Variants in FGF14 observed in about 807,000 individuals in gnomAD.
FGF14 encodes the protein fibroblast growth factor homologous factor 4.
FGF14 carries 5 observed loss-of-function variants against 25.5 expected under a neutral mutation model. The ratio of observed to expected loss-of-function variants is 0.20; its 90% CI spans 0.10 to 0.41. The LOEUF (loss-of-function observed/expected upper bound fraction) is 0.41, where lower values mean the gene tolerates loss of function less well. FGF14 is among the 10% of genes least tolerant of loss of function. The pLI is 1.00. For missense variants in FGF14, 222 were observed against 320.1 expected (o/e 0.69, Z 2.34); for synonymous variants, 138 against 118.3 (o/e 1.17, Z -1.08).
At chr13:101,766,821 G>A (rs2038433611) in intron 3 of FGF14, among the ~76,000 whole-genome samples, 1 of 152,132 alleles carries the variant, frequency 6.6e-6, no homozygotes, top group South Asian at 2.1e-4. Context: ...GAAGGCAGAG[G>A]TAGAGATTAG....
intron 3 of FGF14, among the ~76,000 whole-genome samples, chr13:101,841,981 A>G (rs965806032): frequency 6.6e-6 from 1 of 151,948 alleles, no homozygotes; most frequent in African/African-American, 2.4e-5. Flanking sequence ...GATATGACTC[A>G]TTTGCATATA....
intron 3 of FGF14, among the ~76,000 whole-genome samples, chr13:101,733,317 G>A (rs1368755637): frequency 3.3e-5 from 5 of 152,038 alleles, no homozygotes; most frequent in African/African-American, 1.2e-4. Flanking sequence ...GACAACTTTT[G>A]GCAGTGCACG....
intron 1 of FGF14, among the ~76,000 whole-genome samples, chr13:102,278,407 C>A (rs772772206): frequency 6.6e-6 from 1 of 152,290 alleles, no homozygotes; most frequent in South Asian, 2.1e-4. Context: ...GTGGTATGTA[C>A]TGACATCAGC....
At chr13:102,107,829 CAG>C (rs1183330436) in intron 1 of FGF14, among the ~76,000 whole-genome samples, 4 of 152,184 alleles carry the variant, frequency 2.6e-5, no homozygotes, top group Non-Finnish European at 5.9e-5. Flanking sequence ...ACTCAGAAAA[CAG>C]AAAGTCATAT....
intron 1 of FGF14, among the ~76,000 whole-genome samples, chr13:101,886,353 A>T (rs868058810): frequency 1.3e-5 from 2 of 152,288 alleles, no homozygotes; most frequent in Middle Eastern, 3.4e-3. Context: ...CACATAGACC[A>T]ATGGAACAGA....
intron 1 of FGF14, among the ~76,000 whole-genome samples, chr13:102,095,977 TTGTGTGTGTGTGTG>T (rs35113785): frequency 7.0e-6 from 1 of 142,716 alleles, no homozygotes; most frequent in African/African-American, 2.5e-5. Flanking sequence ...TAAATACAAT[TTGTGTGTGTGTGTG>T]TGTGTGTGTG....
chr13:102,352,811 C>CAAAA (rs368786811), intron 1 of FGF14, among the ~76,000 whole-genome samples: 1 of 62,132 alleles, frequency 1.6e-5, no homozygotes, highest in Admixed American at 1.7e-4. Context: ...GACTCTGTCT[C>CAAAA]AAAAAAAAAA....
At chr13:101,952,801 C>T (rs1293376772) in intron 1 of FGF14, among the ~76,000 whole-genome samples, 2 of 152,180 alleles carry the variant, frequency 1.3e-5, no homozygotes, top group East Asian at 3.9e-4. Context: ...GAGGCCAAGG[C>T]AGGCGGATTA....
intron 1 of FGF14, among the ~76,000 whole-genome samples, chr13:102,352,413 GT>G (rs1004861666): frequency 2.6e-4 from 40 of 152,194 alleles, no homozygotes; most frequent in African/African-American, 8.4e-4. Context: ...AAGGAGACAA[GT>G]TGTTTTAATA....
In FGF14 at chr13:102,074,827, G is replaced by A. The variant is rs182139842; in HGVS notation, c.209-199531C>T. Among the ~76,000 whole-genome samples, 942 of 152,256 alleles carry A rather than the reference G, an allele frequency of 6.2e-3. 12 individuals carry two copies. Among genetic ancestry groups the A allele is most frequent in the African/African-American group, 0.019 (782 of 41,540 alleles). On this transcript the variant is annotated intron_variant, in intron 1 of 4. Coordinates refer to the FGF14 transcript ENST00000376131. ...ATTAGTGGAATGAAGGATAAAAACC[G>A]TATGATCATCTCAACAGATGCTGAA... is the stretch of plus-strand genomic sequence containing the variant.
At chr13:102,265,243 T>G (rs1189619028) in intron 1 of FGF14, among the ~76,000 whole-genome samples, 1 of 152,128 alleles carries the variant, frequency 6.6e-6, no homozygotes, top group African/African-American at 2.4e-5. Context: ...TTTGGCGCTT[T>G]CTGGTATAAA....
chr13:102,321,537 ATTC>A (rs1213452063), intron 1 of FGF14, among the ~76,000 whole-genome samples: 1 of 152,140 alleles, frequency 6.6e-6, no homozygotes, highest in Non-Finnish European at 1.5e-5. Flanking sequence ...TTTTTGATAA[ATTC>A]TTGTTAGTGG....
At chr13:101,869,502 T>TA (rs565546805) in intron 2 of FGF14, among the ~76,000 whole-genome samples, 182 of 152,320 alleles carry the variant, frequency 1.2e-3, no homozygotes, top group African/African-American at 4.0e-3. Context: ...GTTATAACAT[T>TA]AAAAAAACTT....
At chr13:101,957,176 G>A (rs1266082096) in intron 1 of FGF14, among the ~76,000 whole-genome samples, 2 of 152,122 alleles carry the variant, frequency 1.3e-5, no homozygotes, top group Admixed American at 6.6e-5. Context: ...ATACAAAACA[G>A]AATATACAAT....
At chr13:102,174,396 C>G (rs538583976) in intron 1 of FGF14, among the ~76,000 whole-genome samples, 3 of 151,440 alleles carry the variant, frequency 2.0e-5, no homozygotes, top group Non-Finnish European at 4.4e-5. Flanking sequence ...GAACTCCTGA[C>G]CTCAGATGAC....
intron 1 of FGF14, among the ~76,000 whole-genome samples, chr13:102,222,784 C>T (rs985941708): frequency 6.6e-6 from 1 of 152,096 alleles, no homozygotes; most frequent in Admixed American, 6.6e-5. Flanking sequence ...CATGAACACA[C>T]ACTCCTCTAA....
intron 1 of FGF14, among the ~76,000 whole-genome samples, chr13:102,092,415 A>C (rs910819001): frequency 6.6e-6 from 1 of 152,188 alleles, no homozygotes; most frequent in African/African-American, 2.4e-5. Flanking sequence ...GAGTAATGTC[A>C]TATCTGTTCA....
intron 1 of FGF14, among the ~76,000 whole-genome samples, chr13:102,356,223 G>C (rs1356844999): frequency 5.9e-5 from 9 of 152,220 alleles, no homozygotes; most frequent in Non-Finnish European, 2.9e-5. Context: ...TGAATGTAAA[G>C]CTAGACCCAG....
Position 101,812,626 on chromosome 13 carries a change from T to C in FGF14, c.408+56099A>G, listed in dbSNP as rs1184072672. Among the ~76,000 whole-genome samples, 9 of 9,864 alleles carry C rather than the reference T, an allele frequency of 9.1e-4. 1 individual carries two copies. The highest frequency in any genetic ancestry group is 2.4e-3 in the African/African-American group (8 of 3,302). The allele number at this position is 9,864 out of a possible 152,430, so 6.5% of individuals were successfully genotyped here. ...ATTTTTAAAACTATATATATATATA[T>C]ATATATATATATATATATATATATA... is the stretch of plus-strand genomic sequence containing the variant. On this transcript the variant is annotated intron_variant, in intron 3 of 4. Transcript: ENST00000376143.
Sources: gnomAD v4.1 joint callset for allele counts (sites outside exome capture counted in the v4.1 genomes callset) on GRCh38, gnomAD v4.1.1 for gene constraint, MANE v1.5 for transcripts, NCBI Gene and HGNC (gene_info 2026-07-23, HGNC 2026-07-21) for gene names.